SEC22B: variants seen among roughly 807,000 people sequenced by gnomAD.
The protein encoded by SEC22B is vesicle-trafficking protein SEC22b.
A neutral mutation model predicts 31.4 loss-of-function variants in SEC22B; 10 were observed. The ratio of observed to expected loss-of-function variants is 0.32; its 90% CI spans 0.20 to 0.54. The LOEUF is 0.54. Among genes scored for constraint, SEC22B ranks in the 20% least tolerant of loss-of-function variants. SEC22B has a pLI of 0.94. For missense variants in SEC22B, 130 were observed against 263.4 expected, an observed-to-expected ratio of 0.49 and a Z score of 3.50; for synonymous variants, 60 against 95.9, an observed-to-expected ratio of 0.63 and a Z score of 2.19.
rs63595162 is a variant in SEC22B at position 120,152,508 on chromosome 1, T to A, written c.*4530A>T. ...CAAAAGGAGATAGGAAAAACAGGAA[T>A]TTTTTTTTTAAGGGCTAAAATTTTA... On this transcript the variant is annotated 3_prime_UTR_variant, in exon 5 of 5. Coordinates refer to ENST00000578049, the MANE Select transcript of SEC22B (RefSeq NM_004892.6). The A allele has an allele frequency of 1.3e-5, 2 of 149,118 alleles. No homozygotes were observed. The highest frequency in any genetic ancestry group is 1.3e-4 in the Admixed American group (2 of 14,958). 9.2% of individuals were successfully genotyped at this position (149,118 alleles called of 1,614,324 possible). A position where few individuals can be genotyped will look rare whatever the true frequency, so the allele number is the denominator to read the frequency against.
chr1:120,174,517 T>A (rs1657930524), intron 1 of SEC22B, among the ~76,000 whole-genome samples: 1 of 152,262 alleles, frequency 6.6e-6, no homozygotes, highest in East Asian at 1.9e-4. Flanking sequence ...GATAAACCAA[T>A]ATGAAACCAA....
At position 120,152,708 on chromosome 1, in the gene SEC22B, G is replaced by A. The variant is rs1242574776; in HGVS notation, c.*4330C>T. 8.6e-5 allele frequency: 12 copies of A among 139,450 alleles called. No homozygotes were observed. Among genetic ancestry groups the A allele is most frequent in the African/African-American group, 1.6e-4 (5 of 31,290 alleles). The allele number at this position is 139,450 out of a possible 1,614,324, so 8.6% of individuals were successfully genotyped here. ...ATAATGAAGTAAATTTAAAAAGTAC[G>A]GAATAATAAAAAGAAATTGCAAAAA... On this transcript the variant is annotated 3_prime_UTR_variant, in exon 5 of 5. Transcript: ENST00000578049.
At chr1:120,171,082 A>G (rs1657889823) in intron 1 of SEC22B, among the ~76,000 whole-genome samples, 2 of 132,008 alleles carry the variant, frequency 1.5e-5, no homozygotes, top group Admixed American at 7.0e-5. Context: ...TTGGCTTCAC[A>G]ATAGAATCAT....
At chr1:120,163,912 ATATT>A (rs1461371956) in intron 2 of SEC22B, among the ~76,000 whole-genome samples, 6 of 139,908 alleles carry the variant, frequency 4.3e-5, no homozygotes, top group South Asian at 4.5e-4. Context: ...GTATTTAGAC[ATATT>A]TATTATAATT....
intron 2 of SEC22B, 84 bp from the exon 3 acceptor site, chr1:120,163,454 C>T (rs1427470837): frequency 6.4e-6 from 6 of 931,358 alleles, no homozygotes; most frequent in Non-Finnish European, 8.4e-6. Context: ...CTGTACCATG[C>T]AAACTTTTTA....
In SEC22B at chr1:120,154,213, T is replaced by A; in HGVS notation, c.*2825A>T. On this transcript the variant is annotated 3_prime_UTR_variant, in exon 5 of 5. Transcript: ENST00000578049. ...ATTCTTTGGTATTTATTTGACCTCT[T>A]GGTGGTAATATAGCGTAAGAGCACA... 6.6e-6 allele frequency: 1 copy of A among 152,122 alleles called. No homozygotes were observed. Among genetic ancestry groups the A allele is most frequent in the East Asian group, 1.9e-4 (1 of 5,196 alleles). 9.4% of individuals were successfully genotyped at this position (152,122 alleles called of 1,614,324 possible).
At chr1:120,168,108 T>C (rs1351306766) in intron 2 of SEC22B, among the ~76,000 whole-genome samples, 1 of 151,978 alleles carries the variant, frequency 6.6e-6, no homozygotes, top group Admixed American at 6.6e-5. Context: ...TAAGTTATCT[T>C]ACTATCTAAG....
In SEC22B at chr1:120,163,142, A is replaced by G. The variant is rs1324112140; in HGVS notation, c.346+68T>C. The G allele has an allele frequency of 7.3e-3, 3,907 of 537,826 alleles. 116 individuals are homozygous for G. Among genetic ancestry groups the G allele is most frequent in the African/African-American group, 0.069 (3,513 of 50,588 alleles). 33.3% of individuals were successfully genotyped at this position (537,826 alleles called of 1,614,324 possible). ...AGAAAAAATGTATAAATATTATATC[A>G]GTGTAACAAATAGCTTCTCCATATT... is the stretch of plus-strand genomic sequence containing the variant. On this transcript the variant is annotated intron_variant, in intron 3 of 4. Coordinates refer to ENST00000578049, the MANE Select transcript of SEC22B (RefSeq NM_004892.6).
Position 120,176,452 on chromosome 1 carries a change from A to C in SEC22B, c.-71T>G. 7.3e-7 allele frequency: 1 copy of C among 1,369,206 alleles called. No homozygotes were observed. The highest frequency in any genetic ancestry group is 1.0e-6 in the Non-Finnish European group (1 of 968,446). 84.8% of individuals were successfully genotyped at this position (1,369,206 alleles called of 1,614,324 possible). ...CGCCGTCCTCACTTCCTCCGCCGCG[A>C]CAACAGTTATACCCTATGTCTCAGT... On this transcript the variant is annotated 5_prime_UTR_variant, in exon 1 of 5. Transcript: ENST00000578049.
At chr1:120,166,078 CACA>C (rs1324414293) in intron 2 of SEC22B, among the ~76,000 whole-genome samples, 19 of 150,598 alleles carry the variant, frequency 1.3e-4, no homozygotes, top group African/African-American at 4.0e-4. Context: ...AAATAAAAAC[CACA>C]ACGACATATT....
chr1:120,170,797 T>C (rs1418064487), intron 1 of SEC22B, among the ~76,000 whole-genome samples: 1 of 148,760 alleles, frequency 6.7e-6, no homozygotes, highest in Non-Finnish European at 1.5e-5. Flanking sequence ...GTGAATACTG[T>C]CATATGCTTT....
At chr1:120,161,865 C>G (rs1394043141) in intron 3 of SEC22B, among the ~76,000 whole-genome samples, 3 of 145,384 alleles carry the variant, frequency 2.1e-5, no homozygotes, top group South Asian at 2.2e-4. Context: ...CTCTTTAGAT[C>G]TCCTCTCTGC....
At position 120,176,283 on chromosome 1, in the gene SEC22B, G is replaced by A. The variant is rs1657962080; in HGVS notation, c.75+24C>T. Reference sequence around the variant, plus strand: ...AGCGCGCTGACAGAGACTTGGGGTCGCGGGTCGTGAGTAAGCAGCTCACCT... The same window carrying A: ...AGCGCGCTGACAGAGACTTGGGGTCACGGGTCGTGAGTAAGCAGCTCACCT... On this transcript the variant is annotated intron_variant, in intron 1 of 4. Coordinates refer to ENST00000578049, the MANE Select transcript of SEC22B (RefSeq NM_004892.6). 2.5e-6 allele frequency: 4 copies of A among 1,602,760 alleles called. No homozygotes were observed. In the South Asian group the frequency reaches 3.3e-5, roughly 13 times the overall value.
Position 120,163,341 on chromosome 1 carries a change from A to T in SEC22B, c.215T>A (p.Leu72Ter). Reference sequence around the variant, plus strand: ...AGGGAAGGCAGCTTCACATAAAACCAAATAACACACCCCCTGCTCAATAAT... The same window carrying T: ...AGGGAAGGCAGCTTCACATAAAACCTAATAACACACCCCCTGCTCAATAAT... Reference protein sequence around the residue: ...HYIIEQGVCYLVLCEAAFPKK... With the variant: ...HYIIEQGVCY The change falls in exon 3 of 5, where the codon TTG becomes TAG. Residue 72 changes from leucine (L) to a stop codon, truncating the protein, a stop_gained. Coordinates refer to ENST00000578049, the MANE Select transcript of SEC22B (RefSeq NM_004892.6). LOFTEE classifies it high-confidence loss of function. 2 of 1,606,358 alleles carry T rather than the reference A, an allele frequency of 1.2e-6. No individual in the cohort carries two copies. The highest frequency in any genetic ancestry group is 1.7e-6 in the Non-Finnish European group (2 of 1,176,378).
Position 120,151,848 on chromosome 1 carries a change from A to G in SEC22B, c.*5190T>C. The G allele has an allele frequency of 6.6e-6, 1 of 151,332 alleles. No individual in the cohort carries two copies. The highest frequency in any genetic ancestry group is 2.0e-4 in the East Asian group (1 of 5,056). The allele number at this position is 151,332 out of a possible 1,614,324, so 9.4% of individuals were successfully genotyped here. On this transcript the variant is annotated 3_prime_UTR_variant, in exon 5 of 5. Transcript: ENST00000578049. Reference sequence around the variant, plus strand: ...TACCTTTTGAAAGTTATATTAAAAAATTTTTGGTTAATAGTCTAGTTAGAG... The same window carrying G: ...TACCTTTTGAAAGTTATATTAAAAAGTTTTTGGTTAATAGTCTAGTTAGAG...
intron 2 of SEC22B, among the ~76,000 whole-genome samples, chr1:120,166,366 A>G (rs1185332189): frequency 6.8e-6 from 1 of 147,826 alleles, no homozygotes; most frequent in Non-Finnish European, 1.5e-5. Context: ...AATGTCCATC[A>G]AGAGAATAAT....
intron 2 of SEC22B, among the ~76,000 whole-genome samples, chr1:120,163,949 T>A (rs1390159085): frequency 4.3e-5 from 5 of 117,348 alleles, no homozygotes; most frequent in Non-Finnish European, 8.2e-5. Context: ...GATTCTCTTT[T>A]TTTTTTTTTT....
intron 1 of SEC22B, among the ~76,000 whole-genome samples, chr1:120,174,210 T>G (rs1353559837): frequency 1.3e-5 from 2 of 152,264 alleles, no homozygotes; most frequent in Non-Finnish European, 2.9e-5. Context: ...TTATCTATTA[T>G]TGGAGATTTT....
chr1:120,170,447 T>C (rs1271301954), intron 1 of SEC22B, among the ~76,000 whole-genome samples: 1 of 145,924 alleles, frequency 6.9e-6, no homozygotes, highest in Non-Finnish European at 1.5e-5. Context: ...GATCAGCAAA[T>C]GTACAATTAC....
Sources: gnomAD v4.1 joint callset for allele counts (sites outside exome capture counted in the v4.1 genomes callset) on GRCh38, gnomAD v4.1.1 for gene constraint, MANE v1.5 for transcripts, NCBI Gene and HGNC (gene_info 2026-07-23, HGNC 2026-07-21) for gene names.